Variants in INO80 observed in about 807,000 individuals in gnomAD.
INO80 encodes the protein INO80 complex ATPase subunit.
INO80 carries 20 observed loss-of-function variants against 203.4 expected under a neutral mutation model. The ratio of observed to expected loss-of-function variants is 0.10; its 90% confidence interval spans 0.07 to 0.14. INO80 has a LOEUF of 0.14. INO80 is among the 10% of genes least tolerant of loss of function. The pLI, the probability that INO80 is intolerant of heterozygous loss-of-function variation, is 1.00. For synonymous variants in INO80, 726 were observed against 685.2 expected, an observed-to-expected ratio of 1.06 and a Z score of -0.93; for missense variants, 1,419 against 1,914.4, an observed-to-expected ratio of 0.74 and a Z score of 4.83.
chr15:40,987,474 C>T (rs1016450085), intron 30 of INO80, among the ~76,000 whole-genome samples: 1 of 152,160 alleles, frequency 6.6e-6, no homozygotes, highest in African/African-American at 2.4e-5. Flanking sequence ...ATTTGGCATA[C>T]AATTCAGAGG....
At position 41,114,277 on chromosome 15, in the gene INO80, A is replaced by C. The variant is rs201502180; in HGVS notation, c.-44+1696T>G. 3.0e-3 allele frequency among the ~76,000 whole-genome samples: 391 copies of C among 129,590 alleles called. 5 individuals are homozygous for C. The highest frequency in any genetic ancestry group is 0.02 in the South Asian group (91 of 4,564). The allele number at this position is 129,590 out of a possible 152,430, so 85.0% of individuals were successfully genotyped here. On this transcript the variant is annotated intron_variant, in intron 1 of 35. Coordinates refer to ENST00000648947, the MANE Select transcript of INO80 (RefSeq NM_017553.3). ...GCCAGACTCCGTCTCAAAAAACAAAAAAAAAAAAACATTCATTTTAAAGTC... is the reference window on the plus strand; with the variant it reads ...GCCAGACTCCGTCTCAAAAAACAAACAAAAAAAAACATTCATTTTAAAGTC...
At chr15:41,045,454 C>G (rs2044739288) in intron 23 of INO80, among the ~76,000 whole-genome samples, 1 of 151,950 alleles carries the variant, frequency 6.6e-6, no homozygotes, top group Non-Finnish European at 1.5e-5. Context: ...TGGTGTCAGG[C>G]ACCTGTAATA....
intron 14 of INO80, among the ~76,000 whole-genome samples, chr15:41,062,190 G>A (rs1396214697): frequency 6.6e-6 from 1 of 152,128 alleles, no homozygotes; most frequent in Non-Finnish European, 1.5e-5. Context: ...CGAGACAAAA[G>A]GGATGTAGTC....
intron 1 of INO80, among the ~76,000 whole-genome samples, chr15:41,102,965 T>C (rs868506479): frequency 1.3e-5 from 2 of 152,296 alleles, no homozygotes; most frequent in Middle Eastern, 3.4e-3. Context: ...AACACTGCTG[T>C]ATGACTGACC....
chr15:41,058,299 A>T (rs986684951), intron 16 of INO80, among the ~76,000 whole-genome samples: 15 of 152,146 alleles, frequency 9.9e-5, no homozygotes, highest in African/African-American at 2.9e-4. Flanking sequence ...ATGAAAAAAT[A>T]AAAAAAGGGA....
chr15:41,059,363 A>C (rs1596300924), intron 15 of INO80, among the ~76,000 whole-genome samples: 1 of 147,702 alleles, frequency 6.8e-6, no homozygotes. Flanking sequence ...GGTGGCTCAC[A>C]CCTGTAATCC....
chr15:41,070,433 G>A (rs756011177), intron 13 of INO80, 34 bp downstream of exon 13: 18 of 1,561,036 alleles, frequency 1.2e-5, no homozygotes, highest in Admixed American at 1.7e-5. Flanking sequence ...CTAAATTCTA[G>A]AGAAATGAAG....
At chr15:40,997,641 A>T in intron 28 of INO80, 40 bp from the exon 29 acceptor site, 1 of 1,339,160 alleles carries the variant, frequency 7.5e-7, no homozygotes, top group Non-Finnish European at 1.1e-6. Flanking sequence ...AAAAACTGAA[A>T]AGAAAAAATG....
chr15:41,062,390 C>A (rs937605522), intron 14 of INO80, among the ~76,000 whole-genome samples: 7 of 151,986 alleles, frequency 4.6e-5, no homozygotes, highest in African/African-American at 1.7e-4. Flanking sequence ...TCACCTGAGG[C>A]CAGGAGTTCA....
chr15:41,115,540 C>G (rs767059024), intron 1 of INO80, among the ~76,000 whole-genome samples: 2 of 152,198 alleles, frequency 1.3e-5, no homozygotes, highest in Admixed American at 6.5e-5. Context: ...GCCCTTAGAT[C>G]TCATTTGTTT....
At chr15:41,095,505 ACT>A (rs767037982) in intron 4 of INO80, 94 bp downstream of exon 4, 118 of 848,608 alleles carry the variant, frequency 1.4e-4, no homozygotes, top group Non-Finnish European at 2.0e-4. Flanking sequence ...TATTTGAAAA[ACT>A]CTGTCAATCT....
intron 16 of INO80, among the ~76,000 whole-genome samples, chr15:41,057,367 G>A (rs898742244): frequency 1.3e-5 from 2 of 151,514 alleles, no homozygotes; most frequent in Admixed American, 6.6e-5. Flanking sequence ...TGGGAGGATC[G>A]TTTGAGACAG....
chr15:41,005,215 A>AC (rs1189100849), intron 28 of INO80: 1 of 156,274 alleles, frequency 6.4e-6, no homozygotes, highest in Non-Finnish European at 1.4e-5. Flanking sequence ...AAAAAAAAAA[A>AC]AAAAAAGAAA....
intron 32 of INO80, 139 bp downstream of exon 32, chr15:40,985,199 C>T: frequency 1.5e-6 from 1 of 654,556 alleles, no homozygotes; most frequent in Non-Finnish European, 2.8e-6. Flanking sequence ...GTGAGTCAGC[C>T]CAGAAATGTA....
At chr15:41,046,194 T>G (rs1030555119) in intron 23 of INO80, among the ~76,000 whole-genome samples, 2 of 134,422 alleles carry the variant, frequency 1.5e-5, no homozygotes, top group Non-Finnish European at 1.6e-5. Context: ...TGTCTCTGTG[T>G]GCGTATACAT....
intron 23 of INO80, among the ~76,000 whole-genome samples, 174 bp downstream of exon 23, chr15:41,047,234 G>C (rs777983061): frequency 6.6e-6 from 1 of 152,046 alleles, no homozygotes; most frequent in Non-Finnish European, 1.5e-5. Flanking sequence ...CAAAGTGTTG[G>C]GATTACAGGC....
At chr15:41,058,882 GC>G (rs2140555565) in intron 15 of INO80, 101 bp from the exon 16 acceptor site, 1 of 1,089,836 alleles carries the variant, frequency 9.2e-7, no homozygotes, top group East Asian at 2.5e-5. Context: ...GTTTAAGACA[GC>G]CCTGAAGATG....
At chr15:41,110,192 T>A (rs2045938818) in intron 1 of INO80, among the ~76,000 whole-genome samples, 1 of 151,940 alleles carries the variant, frequency 6.6e-6, no homozygotes, top group Non-Finnish European at 1.5e-5. Flanking sequence ...GTCGCCAGGC[T>A]GGAGTGCAGT....
At chr15:40,998,214 G>A (rs2043907597) in intron 28 of INO80, among the ~76,000 whole-genome samples, 1 of 151,770 alleles carries the variant, frequency 6.6e-6, no homozygotes, top group African/African-American at 2.4e-5. Context: ...GTAGAGACGG[G>A]GTTTCATCAT....
Sources: gnomAD v4.1 joint callset for allele counts (sites outside exome capture counted in the v4.1 genomes callset) on GRCh38, gnomAD v4.1.1 for gene constraint, MANE v1.5 for transcripts, NCBI Gene and HGNC (gene_info 2026-07-23, HGNC 2026-07-21) for gene names.